Variants in EPHA6 observed in about 807,000 individuals in gnomAD.
EPHA6 encodes EPH receptor A6.
EPHA6 carries 50 observed loss-of-function variants against 112.0 expected under a neutral mutation model. The observed-to-expected ratio is 0.45, with a 90% CI of 0.36 to 0.56. The LOEUF is 0.56. Among genes scored for constraint, EPHA6 ranks in the 20% least tolerant of loss-of-function variants. EPHA6 has a pLI of 0.00. For missense variants in EPHA6, 1,280 were observed against 1,417.4 expected, an observed-to-expected ratio of 0.90 and a Z score of 1.56; for synonymous variants, 529 against 490.7, an observed-to-expected ratio of 1.08 and a Z score of -1.03.
At chr3:96,840,779 G>A (rs542109557) in intron 1 of EPHA6, among the ~76,000 whole-genome samples, 2 of 152,208 alleles carry the variant, frequency 1.3e-5, no homozygotes, top group African/African-American at 4.8e-5. Flanking sequence ...AGTCATTACA[G>A]TGACTGCTTA....
At chr3:96,820,846 T>A (rs1048358542) in intron 1 of EPHA6, among the ~76,000 whole-genome samples, 2 of 152,018 alleles carry the variant, frequency 1.3e-5, no homozygotes, top group African/African-American at 4.8e-5. Flanking sequence ...AGGGACATCT[T>A]CATATGGCAA....
intron 6 of EPHA6, among the ~76,000 whole-genome samples, chr3:97,433,038 A>C (rs578131093): frequency 6.6e-6 from 1 of 152,344 alleles, no homozygotes; most frequent in Admixed American, 6.5e-5. Context: ...CTCAGTTTAA[A>C]GCACTGTGAA....
At chr3:97,735,828 C>G (rs1417315802) in intron 15 of EPHA6, 97 bp from the exon 16 acceptor site, 1 of 827,360 alleles carries the variant, frequency 1.2e-6, no homozygotes, top group Non-Finnish European at 1.8e-6. Context: ...TTCATGCTTA[C>G]CATTATTTTG....
intron 5 of EPHA6, among the ~76,000 whole-genome samples, chr3:97,378,511 C>G (rs1349350767): frequency 1.3e-5 from 2 of 152,116 alleles, no homozygotes; most frequent in Non-Finnish European, 2.9e-5. Flanking sequence ...GTAGATCCAC[C>G]TACAGCTTGC....
intron 6 of EPHA6, among the ~76,000 whole-genome samples, chr3:97,433,258 T>C (rs186231440): frequency 1.1e-4 from 17 of 152,326 alleles, no homozygotes; most frequent in Admixed American, 1.0e-3. Context: ...CTAATGAGTC[T>C]CTTACCTTAC....
At chr3:96,947,793 G>A (rs1226674769) in intron 2 of EPHA6, among the ~76,000 whole-genome samples, 18 of 152,138 alleles carry the variant, frequency 1.2e-4, no homozygotes, top group Admixed American at 1.2e-3. Context: ...TGGATAGGAA[G>A]AATCAATATC....
chr3:97,598,668 T>A (rs1327764469), intron 12 of EPHA6, among the ~76,000 whole-genome samples: 2 of 151,848 alleles, frequency 1.3e-5, no homozygotes, highest in Non-Finnish European at 2.9e-5. Flanking sequence ...TCTATCATTG[T>A]TGGACATTTG....
intron 1 of EPHA6, among the ~76,000 whole-genome samples, chr3:96,853,170 G>A (rs537913137): frequency 1.3e-5 from 2 of 152,022 alleles, no homozygotes; most frequent in African/African-American, 2.4e-5. Context: ...ATTACAGCTT[G>A]AGAGCAATAA....
At chr3:97,065,477 A>G (rs975557219) in intron 3 of EPHA6, among the ~76,000 whole-genome samples, 3 of 152,114 alleles carry the variant, frequency 2.0e-5, no homozygotes, top group African/African-American at 7.2e-5. Flanking sequence ...CTTCAAAGAA[A>G]ACCTGTGTGT....
intron 3 of EPHA6, among the ~76,000 whole-genome samples, chr3:97,072,861 C>T (rs1355022029): frequency 6.6e-6 from 1 of 152,074 alleles, no homozygotes; most frequent in African/African-American, 2.4e-5. Flanking sequence ...TTAATCTAAC[C>T]TTAGATTTTC....
chr3:97,750,122 A>G lies in EPHA6; in HGVS notation c.*1421A>G, dbSNP rs961172640. ...AGCTGCTCCCTGTAAAACTAAAAAA[A>G]TGACGACTGTTTTAGGTGAAAGAGT... On this transcript the variant is annotated 3_prime_UTR_variant, in exon 18 of 18. Coordinates refer to ENST00000389672, the MANE Select transcript of EPHA6 (RefSeq NM_001080448.3). 2.2e-4 allele frequency among the ~76,000 whole-genome samples: 34 copies of G among 152,204 alleles called. No homozygotes were observed. Among genetic ancestry groups the G allele is most frequent in the Non-Finnish European group, 4.6e-4 (31 of 68,024 alleles).
intron 3 of EPHA6, among the ~76,000 whole-genome samples, chr3:97,158,890 T>C (rs193103271): frequency 6.6e-6 from 1 of 152,250 alleles, no homozygotes; most frequent in East Asian, 1.9e-4. Context: ...AGGAATTTCT[T>C]TGTGGGCAAA....
intron 14 of EPHA6, among the ~76,000 whole-genome samples, chr3:97,691,009 G>A (rs926218523): frequency 3.9e-5 from 6 of 152,050 alleles, no homozygotes; most frequent in Non-Finnish European, 7.4e-5. Context: ...AGAAACAATT[G>A]TCTAATCCAA....
intron 16 of EPHA6, among the ~76,000 whole-genome samples, chr3:97,739,823 T>TTAA (rs1390882093): frequency 2.0e-5 from 3 of 152,152 alleles, no homozygotes; most frequent in Non-Finnish European, 4.4e-5. Flanking sequence ...AACCACTGTA[T>TTAA]TAATATAGGC....
At chr3:97,018,505 G>A (rs1354162449) in intron 3 of EPHA6, among the ~76,000 whole-genome samples, 2 of 152,316 alleles carry the variant, frequency 1.3e-5, no homozygotes, top group Middle Eastern at 3.4e-3. Context: ...CGTGGGTCAC[G>A]TGTCCACTGG....
At chr3:96,912,341 T>G (rs959091487) in intron 2 of EPHA6, among the ~76,000 whole-genome samples, 2 of 152,030 alleles carry the variant, frequency 1.3e-5, no homozygotes, top group African/African-American at 2.4e-5. Context: ...TAATTGCCAA[T>G]CAATAGTGAA....
chr3:97,122,732 TG>T (rs2048075149), intron 3 of EPHA6, among the ~76,000 whole-genome samples: 1 of 151,934 alleles, frequency 6.6e-6, no homozygotes, highest in East Asian at 1.9e-4. Flanking sequence ...TTCTGAAGAG[TG>T]TTAATTGTAT....
intron 5 of EPHA6, among the ~76,000 whole-genome samples, chr3:97,309,408 C>T (rs996028698): frequency 1.3e-5 from 2 of 151,440 alleles, no homozygotes; most frequent in African/African-American, 4.8e-5. Flanking sequence ...TAGTAATAGA[C>T]ATTAAAATAA....
chr3:97,015,763 A>G (rs16837727), intron 3 of EPHA6, among the ~76,000 whole-genome samples: 2,001 of 152,260 alleles, frequency 0.013, 48 homozygotes, highest in African/African-American at 0.044. Flanking sequence ...AGCTCCCCAC[A>G]TATTTGACAA....
Sources: allele counts gnomAD v4.1 joint callset (sites outside exome capture counted in the v4.1 genomes callset), GRCh38; gene constraint gnomAD v4.1.1; transcripts MANE v1.5; gene names NCBI Gene and HGNC (gene_info 2026-07-23, HGNC 2026-07-21).